Variants in PCDHA2 observed in about 807,000 individuals in gnomAD.
PCDHA2 encodes protocadherin alpha 2.
A neutral mutation model predicts 66.0 loss-of-function variants in PCDHA2; 58 were observed. The observed-to-expected ratio is 0.88, with a 90% CI of 0.71 to 1.09. The LOEUF (loss-of-function observed/expected upper bound fraction) is 1.09, where lower values mean the gene tolerates loss of function less well. Ranked by LOEUF, PCDHA2 falls within the 50% of genes least tolerant of loss-of-function variation. The pLI, the probability that PCDHA2 is intolerant of heterozygous loss-of-function variation, is 0.00. For missense variants in PCDHA2, 1,267 were observed against 1,242.3 expected, an observed-to-expected ratio of 1.02 and a Z score of -0.30; for synonymous variants, 634 against 554.0, an observed-to-expected ratio of 1.14 and a Z score of -2.03.
chr5:140,926,757 A>T, intron 1 of PCDHA2: 1 of 1,278,278 alleles, frequency 7.8e-7, no homozygotes, highest in Non-Finnish European at 1.0e-6. Flanking sequence ...GCGGTCGCTG[A>T]GTATCCAGCC....
intron 1 of PCDHA2, chr5:140,870,542 A>T (rs781984897): frequency 1.2e-6 from 2 of 1,614,132 alleles, no homozygotes; most frequent in Non-Finnish European, 1.7e-6. Context: ...TCGGCGCGGG[A>T]CGCGGACGCG....
At chr5:140,862,441 T>A (rs1429423701) in intron 1 of PCDHA2, 1 of 358,060 alleles carries the variant, frequency 2.8e-6, no homozygotes, top group Non-Finnish European at 5.5e-6. Context: ...TCGTTGGTAC[T>A]CCACAGCGCC....
intron 1 of PCDHA2, among the ~76,000 whole-genome samples, chr5:140,878,662 C>G (rs1479409326): frequency 6.6e-6 from 1 of 152,194 alleles, no homozygotes; most frequent in African/African-American, 2.4e-5. Context: ...CCAGAGGCTT[C>G]TCTTTAACCA....
intron 1 of PCDHA2, among the ~76,000 whole-genome samples, chr5:140,832,318 G>T (rs1416750803): frequency 1.3e-5 from 2 of 152,116 alleles, no homozygotes; most frequent in Non-Finnish European, 2.9e-5. Context: ...GTTGCTTAAG[G>T]GCCATTAGAG....
chr5:140,838,676 C>G (rs1236293841), intron 1 of PCDHA2, among the ~76,000 whole-genome samples: 2 of 151,972 alleles, frequency 1.3e-5, no homozygotes, highest in African/African-American at 2.4e-5. Context: ...TGGCACACAC[C>G]TTTAACCCCA....
intron 1 of PCDHA2, among the ~76,000 whole-genome samples, chr5:140,819,662 A>T (rs1383608520): frequency 6.6e-6 from 1 of 152,134 alleles, no homozygotes; most frequent in East Asian, 1.9e-4. Flanking sequence ...TATTCAAAAT[A>T]AGAGTTGATC....
chr5:140,927,697 C>T, intron 1 of PCDHA2: 2 of 1,614,170 alleles, frequency 1.2e-6, no homozygotes, highest in Non-Finnish European at 1.7e-6. Flanking sequence ...TGGGGAAGTC[C>T]AGTACTCCCT....
chr5:140,854,244 A>C lies in PCDHA2; in HGVS notation c.2388+56892A>C, dbSNP rs782085298. 42 of 645,742 alleles carry C rather than the reference A, an allele frequency of 6.5e-5. 1 individual carries two copies. The highest frequency in any genetic ancestry group is 7.7e-5 in the Non-Finnish European group (40 of 520,302). 40.0% of individuals were successfully genotyped at this position (645,742 alleles called of 1,614,324 possible). A position where few individuals can be genotyped will look rare whatever the true frequency, so the allele number is the denominator to read the frequency against. ...TCTACATTGGGATATTTATGTTATCACTTGGTATAAAATGTACATTAGTAG... is the reference window on the plus strand; with the variant it reads ...TCTACATTGGGATATTTATGTTATCCCTTGGTATAAAATGTACATTAGTAG... On this transcript the variant is annotated intron_variant, in intron 1 of 3. Coordinates refer to ENST00000526136, the MANE Select transcript of PCDHA2 (RefSeq NM_018905.3).
intron 1 of PCDHA2, chr5:140,966,657 G>A: frequency 1.7e-6 from 2 of 1,210,192 alleles, no homozygotes; most frequent in Admixed American, 3.9e-5. Context: ...TGAGCGGTGG[G>A]GGAGCAGGCG....
chr5:140,948,016 C>CTTTTT (rs72028473), intron 1 of PCDHA2, among the ~76,000 whole-genome samples: 13 of 30,044 alleles, frequency 4.3e-4, no homozygotes, highest in Non-Finnish European at 6.9e-4. Context: ...AGGAAGTACC[C>CTTTTT]TTTCTGGTTT....
intron 1 of PCDHA2, chr5:140,841,522 G>A (rs2150317350): frequency 6.2e-7 from 1 of 1,613,598 alleles, no homozygotes; most frequent in South Asian, 1.1e-5. Flanking sequence ...TCCGGGTGGC[G>A]TCCAAAAGAC....
intron 1 of PCDHA2, among the ~76,000 whole-genome samples, chr5:140,950,299 C>T (rs246045): frequency 0.56 from 85,681 of 151,798 alleles, 24,780 homozygotes; most frequent in African/African-American, 0.69. Context: ...AAAAACTTTA[C>T]TTAGCAGTTT....
At chr5:140,984,408 T>G (rs1394037702) in intron 3 of PCDHA2, among the ~76,000 whole-genome samples, 2 of 152,200 alleles carry the variant, frequency 1.3e-5, no homozygotes, top group African/African-American at 2.4e-5. Flanking sequence ...AACCTATCTT[T>G]TTTACAGAGA....
intron 1 of PCDHA2, among the ~76,000 whole-genome samples, chr5:140,972,812 C>T (rs782305867): frequency 5.3e-5 from 8 of 151,914 alleles, no homozygotes; most frequent in East Asian, 3.9e-4. Context: ...TACAGGCACG[C>T]GCCACCACGC....
chr5:140,834,178 C>A, intron 1 of PCDHA2: 1 of 557,362 alleles, frequency 1.8e-6, no homozygotes, highest in Non-Finnish European at 3.1e-6. Context: ...ACATGATGGC[C>A]ACATGATGTC....
chr5:140,967,901 A>T, intron 1 of PCDHA2: 2 of 1,614,142 alleles, frequency 1.2e-6, no homozygotes, highest in African/African-American at 1.3e-5. Context: ...TGAGAATGCT[A>T]CACCCAACAC....
chr5:140,885,819 A>G (rs1488283542), intron 1 of PCDHA2, among the ~76,000 whole-genome samples: 1 of 152,032 alleles, frequency 6.6e-6, no homozygotes, highest in Non-Finnish European at 1.5e-5. Flanking sequence ...TTTGTATTTG[A>G]TCTTCTTTGA....
At chr5:140,975,978 A>T (rs964939685) in intron 1 of PCDHA2, among the ~76,000 whole-genome samples, 1 of 152,142 alleles carries the variant, frequency 6.6e-6, no homozygotes, top group African/African-American at 2.4e-5. Context: ...AAGTAAGCAT[A>T]GTCCTGGGAG....
In PCDHA2 at chr5:140,858,087, G is replaced by A. The variant is rs782702941; in HGVS notation, c.2388+60735G>A. On this transcript the variant is annotated intron_variant, in intron 1 of 3. Coordinates refer to ENST00000526136, the MANE Select transcript of PCDHA2 (RefSeq NM_018905.3). Reference sequence around the variant, plus strand: ...AGCCAGGCACCCAAGGCCTCGTCGCGGGCTTCAGTGGGCGTGGCGCCCGAG... The same window carrying A: ...AGCCAGGCACCCAAGGCCTCGTCGCAGGCTTCAGTGGGCGTGGCGCCCGAG... The A allele has an allele frequency of 4.1e-5, 66 of 1,597,710 alleles. 5 individuals carry two copies. Among genetic ancestry groups the A allele is most frequent in the Non-Finnish European group, 5.3e-5 (62 of 1,167,710 alleles).
Sources: allele counts gnomAD v4.1 joint callset (sites outside exome capture counted in the v4.1 genomes callset), GRCh38; gene constraint gnomAD v4.1.1; transcripts MANE v1.5; gene names NCBI Gene and HGNC (gene_info 2026-07-23, HGNC 2026-07-21).